LTBP1: variants seen among roughly 807,000 people sequenced by gnomAD.
LTBP1 encodes the protein latent transforming growth factor beta binding protein 1.
In LTBP1, 129 loss-of-function variants were observed where a neutral mutation model predicts 207.6. The ratio of observed to expected loss-of-function variants is 0.62; its 90% CI spans 0.54 to 0.72. LTBP1 has a LOEUF of 0.72. Ranked by LOEUF, LTBP1 falls within the 30% of genes least tolerant of loss-of-function variation. The pLI is 0.00. For synonymous variants in LTBP1, 963 were observed against 833.7 expected (o/e 1.16, Z -2.67); for missense variants, 2,281 against 2,217.2 (o/e 1.03, Z -0.58).
At chr2:33,340,452 G>A (rs925251134) in intron 24 of LTBP1, among the ~76,000 whole-genome samples, 1 of 152,122 alleles carries the variant, frequency 6.6e-6, no homozygotes, top group African/African-American at 2.4e-5. Flanking sequence ...GGCTGCCAAA[G>A]GGCAAGGACA....
chr2:33,151,699 T>C (rs2083537109), intron 5 of LTBP1, among the ~76,000 whole-genome samples: 1 of 152,182 alleles, frequency 6.6e-6, no homozygotes, highest in African/African-American at 2.4e-5. Context: ...CACATATCAG[T>C]GAAAACATAC....
chr2:33,087,342 A>G (rs1337101031), intron 3 of LTBP1, among the ~76,000 whole-genome samples: 1 of 152,136 alleles, frequency 6.6e-6, no homozygotes, highest in Non-Finnish European at 1.5e-5. Context: ...TGTTGGGATT[A>G]CAGGCATGAG....
intron 7 of LTBP1, among the ~76,000 whole-genome samples, chr2:33,208,114 TG>T (rs1212810811): frequency 6.6e-6 from 1 of 152,262 alleles, no homozygotes; most frequent in African/African-American, 2.4e-5. Context: ...ATAGTATTGA[TG>T]GTGTAGCTTT....
intron 5 of LTBP1, among the ~76,000 whole-genome samples, chr2:33,143,653 C>T (rs2150822683): frequency 6.6e-6 from 1 of 152,290 alleles, no homozygotes; most frequent in African/African-American, 2.4e-5. Context: ...ATTAGATTTC[C>T]ATACCTTTAG....
rs144234687 is a variant in LTBP1, at chr2:33,054,693, A to T, written c.863+33487A>T. Among the ~76,000 whole-genome samples the T allele has an allele frequency of 7.6e-3, 1,157 of 152,284 alleles. 11 individuals carry two copies. Among genetic ancestry groups the T allele is most frequent in the African/African-American group, 0.026 (1,096 of 41,564 alleles). ...TAACGGACCTTGAGGACAGTCGTCCAGGACAGGAGATTAACACTGAGAAGG... is the reference window on the plus strand; with the variant it reads ...TAACGGACCTTGAGGACAGTCGTCCTGGACAGGAGATTAACACTGAGAAGG... On this transcript the variant is annotated intron_variant, in intron 3 of 33. Coordinates refer to ENST00000404816, the MANE Select transcript of LTBP1 (RefSeq NM_206943.4).
chr2:33,052,582 TA>T (rs1485263084), intron 3 of LTBP1, among the ~76,000 whole-genome samples: 1 of 152,202 alleles, frequency 6.6e-6, no homozygotes, highest in Non-Finnish European at 1.5e-5. Context: ...ACTTATTGTC[TA>T]AAAGAAAATG....
intron 9 of LTBP1, among the ~76,000 whole-genome samples, chr2:33,242,821 CA>C (rs1363637361): frequency 1.3e-5 from 2 of 152,132 alleles, no homozygotes; most frequent in Non-Finnish European, 2.9e-5. Flanking sequence ...CTCAACAAGC[CA>C]TGTGTTGGCC....
intron 2 of LTBP1, among the ~76,000 whole-genome samples, chr2:33,000,118 A>G (rs911086911): frequency 1.5e-5 from 2 of 134,948 alleles, no homozygotes; most frequent in African/African-American, 5.2e-5. Flanking sequence ...CTGCTCTGAG[A>G]CAAACACTAC....
At chr2:33,375,702 G>GTTT (rs1489393884) in intron 31 of LTBP1, among the ~76,000 whole-genome samples, 3 of 136,698 alleles carry the variant, frequency 2.2e-5, no homozygotes, top group Admixed American at 7.3e-5. Flanking sequence ...TAATTTTTTT[G>GTTT]TATTTTTTTT....
chr2:33,398,885 AGTG>A lies in LTBP1; in HGVS notation c.*345_*347del, dbSNP rs2095382789. 3 of 164,934 alleles carry A rather than the reference AGTG, an allele frequency of 1.8e-5. No homozygotes were observed. Among genetic ancestry groups the A allele is most frequent in the Non-Finnish European group, 3.9e-5 (3 of 76,482 alleles). 10.2% of individuals were successfully genotyped at this position (164,934 alleles called of 1,614,324 possible). A position where few individuals can be genotyped will look rare whatever the true frequency, so the allele number is the denominator to read the frequency against. On this transcript the variant is annotated 3_prime_UTR_variant, in exon 34 of 34. Transcript: ENST00000404816. ...GCTTGATTAAATTTGGCATTTAAAT[AGTG>A]GTGGAAATATTTTATATAATTTTCA...
intron 5 of LTBP1, among the ~76,000 whole-genome samples, chr2:33,138,053 T>C (rs1558687666): frequency 6.6e-6 from 1 of 152,116 alleles, no homozygotes; most frequent in East Asian, 1.9e-4. Context: ...CCAGCTCACC[T>C]CCTCCACACA....
intron 7 of LTBP1, among the ~76,000 whole-genome samples, chr2:33,205,686 C>G (rs75621139): frequency 0.017 from 2,615 of 152,258 alleles, 35 homozygotes; most frequent in Non-Finnish European, 0.028. Context: ...CATGGCCATA[C>G]CTATTAGTGC....
At chr2:33,231,610 ATTGGTCT>A (rs1474453506) in intron 9 of LTBP1, among the ~76,000 whole-genome samples, 2 of 152,184 alleles carry the variant, frequency 1.3e-5, no homozygotes, top group Non-Finnish European at 2.9e-5. Context: ...GTAAAGGCAG[ATTGGTCT>A]TTGAATGCTT....
intron 23 of LTBP1, among the ~76,000 whole-genome samples, chr2:33,310,477 C>T (rs945065579): frequency 6.6e-6 from 1 of 152,152 alleles, no homozygotes; most frequent in Non-Finnish European, 1.5e-5. Context: ...ATCTTGGTAT[C>T]TCTTCGAATT....
At chr2:33,129,248 G>T (rs2081614740) in intron 4 of LTBP1, among the ~76,000 whole-genome samples, 1 of 152,158 alleles carries the variant, frequency 6.6e-6, no homozygotes, top group Non-Finnish European at 1.5e-5. Context: ...TCCTGAAGGG[G>T]TTCAACTGTC....
At chr2:33,305,199 C>A (rs1224511113) in intron 22 of LTBP1, among the ~76,000 whole-genome samples, 2 of 152,184 alleles carry the variant, frequency 1.3e-5, no homozygotes, top group African/African-American at 4.8e-5. Context: ...CGGCGTGTGC[C>A]TGTAGTCCCA....
rs2094492458 is a variant in LTBP1, at chr2:33,331,360, ATTTC to A, written c.3731-11472_3731-11469del. 2.6e-5 allele frequency among the ~76,000 whole-genome samples: 4 copies of A among 152,052 alleles called. No individual in the cohort carries two copies. The South Asian group carries it at 6.2e-4, about 24-fold the overall frequency. On this transcript the variant is annotated intron_variant, in intron 24 of 33. Transcript: ENST00000404816. ...CTAATATTTGTATTTATAGGTATAT[ATTTC>A]TTTCTAAGAATGGCTTTATCTGCTA...
At chr2:33,324,975 G>A (rs980137902) in intron 24 of LTBP1, among the ~76,000 whole-genome samples, 2 of 152,092 alleles carry the variant, frequency 1.3e-5, no homozygotes, top group African/African-American at 4.8e-5. Flanking sequence ...AAAGTGCTGA[G>A]ATTACAGGCG....
At chr2:32,969,229 T>G (rs219031) in intron 2 of LTBP1, among the ~76,000 whole-genome samples, 30,441 of 131,686 alleles carry the variant, frequency 0.23, 4,494 homozygotes, top group Non-Finnish European at 0.33. Context: ...CCTGGCCAAT[T>G]TGTGTGTGTG....
Sources: gnomAD v4.1 joint callset for allele counts (sites outside exome capture counted in the v4.1 genomes callset) on GRCh38, gnomAD v4.1.1 for gene constraint, MANE v1.5 for transcripts, NCBI Gene and HGNC (gene_info 2026-07-23, HGNC 2026-07-21) for gene names.